ENOX1: variants seen among roughly 807,000 people sequenced by gnomAD.
The protein encoded by ENOX1 is candidate growth-related and time keeping constitutive hydroquinone (NADH) oxidase.
A neutral mutation model predicts 82.5 loss-of-function variants in ENOX1; 42 were observed. The observed-to-expected ratio is 0.51, with a 90% CI of 0.40 to 0.66. ENOX1 has a LOEUF of 0.66. Among genes scored for constraint, ENOX1 ranks in the 30% least tolerant of loss-of-function variants. The probability of loss-of-function intolerance (pLI) is 0.00; values close to 1 mark genes in which losing one functional copy is unlikely to be tolerated. For missense variants in ENOX1, 608 were observed against 811.6 expected (o/e 0.75, Z 3.05); for synonymous variants, 271 against 282.2 (o/e 0.96, Z 0.40).
chr13:43,778,652 G>A (rs948169793), intron 1 of ENOX1, among the ~76,000 whole-genome samples: 9 of 152,094 alleles, frequency 5.9e-5, no homozygotes, highest in African/African-American at 1.7e-4. Flanking sequence ...AATCCTTCCC[G>A]TAAAATATAA....
intron 1 of ENOX1, among the ~76,000 whole-genome samples, chr13:43,729,111 G>A (rs1020222579): frequency 2.6e-5 from 4 of 152,082 alleles, no homozygotes; most frequent in Non-Finnish European, 4.4e-5. Flanking sequence ...CTTTGCCTGA[G>A]GTCATTCAGT....
intron 2 of ENOX1, among the ~76,000 whole-genome samples, chr13:43,508,225 G>A (rs1327544158): frequency 2.6e-5 from 4 of 151,984 alleles, no homozygotes; most frequent in Non-Finnish European, 5.9e-5. Context: ...AGATGGGCTG[G>A]AGGGAACTGG....
chr13:43,416,191 A>C (rs1256568033), intron 3 of ENOX1, among the ~76,000 whole-genome samples: 24 of 13,092 alleles, frequency 1.8e-3, no homozygotes, highest in East Asian at 6.7e-3. Context: ...CGCTCCTCAC[A>C]TCCCAGACGG....
chr13:43,488,070 G>C (rs1307428268), intron 2 of ENOX1, among the ~76,000 whole-genome samples: 1 of 152,100 alleles, frequency 6.6e-6, no homozygotes, highest in Non-Finnish European at 1.5e-5. Context: ...ATATTGTACT[G>C]AACAGAGGAG....
At chr13:43,616,081 A>ATT (rs1466413300) in intron 2 of ENOX1, among the ~76,000 whole-genome samples, 1 of 26,134 alleles carries the variant, frequency 3.8e-5, no homozygotes, top group Admixed American at 5.5e-4. Context: ...TAAGTTTGAC[A>ATT]TTATATATAT....
intron 2 of ENOX1, among the ~76,000 whole-genome samples, chr13:43,536,798 G>A (rs2078479671): frequency 6.6e-6 from 1 of 152,172 alleles, no homozygotes; most frequent in Non-Finnish European, 1.5e-5. Flanking sequence ...CTTATGCTGG[G>A]GCAGTCCTAG....
chr13:43,459,407 C>T (rs151221352), intron 3 of ENOX1: 9 of 152,270 alleles, frequency 5.9e-5, no homozygotes, highest in Non-Finnish European at 7.3e-5. Context: ...TACCATGATA[C>T]CAGCATAAAA....
chr13:43,402,396 GTAAT>G (rs2053549369), intron 5 of ENOX1, among the ~76,000 whole-genome samples: 1 of 152,086 alleles, frequency 6.6e-6, no homozygotes, highest in African/African-American at 2.4e-5. Context: ...TGCATTTTAT[GTAAT>G]TATTTATATA....
intron 1 of ENOX1, among the ~76,000 whole-genome samples, chr13:43,742,176 T>C (rs553654794): frequency 1.3e-5 from 2 of 152,194 alleles, no homozygotes; most frequent in South Asian, 4.1e-4. Context: ...AACCAATAGA[T>C]ATATAGAGAC....
Position 43,325,097 on chromosome 13 carries a change from CA to C in ENOX1, c.1143+1321del, listed in dbSNP as rs1394781839. Among the ~76,000 whole-genome samples, 14 of 152,270 alleles carry C rather than the reference CA, an allele frequency of 9.2e-5. No individual in the cohort carries two copies. In the South Asian group the frequency reaches 2.3e-3, roughly 25 times the overall value. On this transcript the variant is annotated intron_variant, in intron 10 of 16. Transcript: ENST00000690772. ...CTCAGTTTGTCTACTGCATCACAAA[CA>C]GAGGACTCTTTTTTTTTTAATCTTG...
intron 2 of ENOX1, among the ~76,000 whole-genome samples, chr13:43,601,094 C>A (rs1424372245): frequency 6.6e-6 from 1 of 152,074 alleles, no homozygotes; most frequent in Admixed American, 6.6e-5. Context: ...ATGAGGACTA[C>A]AATAAACACC....
intron 11 of ENOX1, among the ~76,000 whole-genome samples, chr13:43,303,644 T>C (rs2046707040): frequency 6.6e-6 from 1 of 152,166 alleles, no homozygotes; most frequent in African/African-American, 2.4e-5. Context: ...CCAGAATATC[T>C]GCCTTGGACT....
At chr13:43,738,344 A>G (rs2089731342) in intron 1 of ENOX1, among the ~76,000 whole-genome samples, 1 of 152,232 alleles carries the variant, frequency 6.6e-6, no homozygotes, top group African/African-American at 2.4e-5. Context: ...CTCTGACGTT[A>G]AATGAATAAA....
chr13:43,770,739 C>T (rs189672980), intron 1 of ENOX1, among the ~76,000 whole-genome samples: 17 of 150,234 alleles, frequency 1.1e-4, no homozygotes, highest in African/African-American at 4.1e-4. Context: ...AAGAGATATG[C>T]CTGGATATAT....
intron 3 of ENOX1, among the ~76,000 whole-genome samples, chr13:43,417,264 A>AGAGGGAGAGGGAGAGGGAGAGGGC (rs2054679158): frequency 6.8e-6 from 1 of 146,710 alleles, no homozygotes; most frequent in Non-Finnish European, 1.5e-5. Flanking sequence ...AGGGAGAGGG[A>AGAGGGAGAGGGAGAGGGAGAGGGC]GAGGGCCAAT....
chr13:43,256,815 T>C (rs1372071843), intron 14 of ENOX1, among the ~76,000 whole-genome samples: 3 of 152,176 alleles, frequency 2.0e-5, no homozygotes, highest in Non-Finnish European at 4.4e-5. Flanking sequence ...ACTGGGTATA[T>C]ATTCAAAAGA....
chr13:43,609,681 T>G (rs1481079034), intron 2 of ENOX1, among the ~76,000 whole-genome samples: 1 of 152,224 alleles, frequency 6.6e-6, no homozygotes, highest in African/African-American at 2.4e-5. Context: ...CTTTTGTTAT[T>G]TGTAACATAA....
intron 2 of ENOX1, among the ~76,000 whole-genome samples, chr13:43,555,138 C>A (rs1453090693): frequency 1.3e-5 from 2 of 152,120 alleles, no homozygotes; most frequent in African/African-American, 4.8e-5. Flanking sequence ...GAACAACTTG[C>A]AAACCCGCTA....
intron 14 of ENOX1, among the ~76,000 whole-genome samples, chr13:43,248,132 G>A (rs1439117271): frequency 4.0e-5 from 6 of 150,876 alleles, no homozygotes; most frequent in African/African-American, 7.3e-5. Context: ...TGATCCGCCC[G>A]CCTCGGCCTC....
Sources: gnomAD v4.1 joint callset for allele counts (sites outside exome capture counted in the v4.1 genomes callset) on GRCh38, gnomAD v4.1.1 for gene constraint, MANE v1.5 for transcripts, NCBI Gene and HGNC (gene_info 2026-07-23, HGNC 2026-07-21) for gene names.